Variants in RFX7 observed in about 807,000 individuals in gnomAD.
RFX7 encodes the protein DNA-binding protein RFX7.
RFX7 carries 26 observed loss-of-function variants against 111.8 expected under a neutral mutation model. That is an observed-to-expected ratio of 0.23 (90% confidence interval 0.17 to 0.32). RFX7 has a LOEUF of 0.32. Among genes scored for constraint, RFX7 ranks in the 10% least tolerant of loss-of-function variants. The pLI, the probability that RFX7 is intolerant of heterozygous loss-of-function variation, is 1.00. For synonymous variants in RFX7, 624 were observed against 624.4 expected (o/e 1.00, Z 0.01); for missense variants, 1,573 against 1,772.9 (o/e 0.89, Z 2.02).
intron 5 of RFX7, among the ~76,000 whole-genome samples, chr15:56,131,976 T>A (rs1294595196): frequency 6.6e-6 from 1 of 152,126 alleles, no homozygotes; most frequent in African/African-American, 2.4e-5. Context: ...TTTTCATATT[T>A]ATTCATTTTT....
In RFX7 at chr15:56,091,231, T is replaced by C. The variant is rs2041592349; in HGVS notation, c.*2114A>G. The C allele has an allele frequency of 6.6e-6, 1 of 152,534 alleles. No individual in the cohort carries two copies. Among genetic ancestry groups the C allele is most frequent in the Non-Finnish European group, 1.5e-5 (1 of 67,984 alleles). 9.4% of individuals were successfully genotyped at this position (152,534 alleles called of 1,614,324 possible). ...CAATGCACATTGCTACATAAGACAA[T>C]TTTATCTGTCACTTTGATGACATTT... is the stretch of plus-strand genomic sequence containing the variant. On this transcript the variant is annotated 3_prime_UTR_variant, in exon 10 of 10. Transcript: ENST00000559447.
rs1200923774 is a variant in RFX7, at chr15:56,169,955, A to G, written c.195+9315T>C. ...TTCTTCCCTTCTAAAGGAATGAGTT[A>G]TCTTTACTTATTGGCAAACCAGGAG... On this transcript the variant is annotated intron_variant, in intron 3 of 9. Coordinates refer to ENST00000559447, the MANE Select transcript of RFX7 (RefSeq NM_022841.7). Among the ~76,000 whole-genome samples the G allele has an allele frequency of 2.0e-5, 3 of 152,254 alleles. No individual in the cohort carries two copies. In the East Asian group the frequency reaches 5.8e-4, roughly 29 times the overall value.
intron 2 of RFX7, among the ~76,000 whole-genome samples, chr15:56,182,797 G>C (rs1219704989): frequency 1.3e-5 from 2 of 152,100 alleles, no homozygotes; most frequent in African/African-American, 4.8e-5. Context: ...ACTGCCATAA[G>C]TGTCTTTGTA....
At chr15:56,163,558 A>G (rs1322955219) in intron 3 of RFX7, among the ~76,000 whole-genome samples, 1 of 152,210 alleles carries the variant, frequency 6.6e-6, no homozygotes, top group Admixed American at 6.5e-5. Context: ...ATAAAATTTA[A>G]AAGTAAAACA....
chr15:56,179,119 A>G (rs551826599), intron 3 of RFX7, 151 bp downstream of exon 3: 5 of 312,574 alleles, frequency 1.6e-5, no homozygotes, highest in Admixed American at 1.1e-4. Context: ...CTTATAAACA[A>G]TTCACCCGAG....
chr15:56,123,245 T>C (rs2042100691), intron 5 of RFX7, among the ~76,000 whole-genome samples: 1 of 152,128 alleles, frequency 6.6e-6, no homozygotes, highest in African/African-American at 2.4e-5. Flanking sequence ...GCTAATGGTA[T>C]TATTCAGGGC....
Position 56,243,785 on chromosome 15 carries a change from A to ACAC in RFX7, c.-344_-343insGTG, listed in dbSNP as rs2043756102. On this transcript the variant is annotated 5_prime_UTR_variant, in exon 1 of 10. Coordinates refer to ENST00000559447, the MANE Select transcript of RFX7 (RefSeq NM_022841.7). ...CAGGCACCGCTCCACGCCACTCCCC[A>ACAC]CGCCGCCGCCGCCGCCGCCGCTCGC... Among the ~76,000 whole-genome samples, 7 of 147,368 alleles carry ACAC rather than the reference A, an allele frequency of 4.8e-5. No individual in the cohort carries two copies. Among genetic ancestry groups the ACAC allele is most frequent in the African/African-American group, 1.7e-4 (7 of 40,522 alleles).
intron 2 of RFX7, among the ~76,000 whole-genome samples, chr15:56,210,559 A>G (rs1228571890): frequency 6.6e-6 from 1 of 152,154 alleles, no homozygotes; most frequent in Non-Finnish European, 1.5e-5. Flanking sequence ...TATTCTGGGC[A>G]TTAAAACACA....
At chr15:56,133,548 T>G (rs72738608) in intron 5 of RFX7, among the ~76,000 whole-genome samples, 19,779 of 152,122 alleles carry the variant, frequency 0.13, 1,674 homozygotes, top group East Asian at 0.44. Flanking sequence ...CTGATCCTGT[T>G]AAGTTTTTGT....
At chr15:56,203,272 G>C (rs1262031802) in intron 2 of RFX7, among the ~76,000 whole-genome samples, 1 of 152,174 alleles carries the variant, frequency 6.6e-6, no homozygotes, top group Non-Finnish European at 1.5e-5. Flanking sequence ...CCGTATTCTA[G>C]AAGTACACTT....
chr15:56,200,237 A>G (rs2043181312), intron 2 of RFX7, among the ~76,000 whole-genome samples: 1 of 152,200 alleles, frequency 6.6e-6, no homozygotes, highest in Non-Finnish European at 1.5e-5. Context: ...ATGAAATGAA[A>G]ACATGAGATA....
chr15:56,243,167 G>A lies in RFX7; in HGVS notation c.119C>T (p.Thr40Ile), dbSNP rs774982120. The A allele has an allele frequency of 1.5e-6, 2 of 1,358,584 alleles. No individual in the cohort carries two copies. Among genetic ancestry groups the A allele is most frequent in the Non-Finnish European group, 2.0e-6 (2 of 1,018,272 alleles). The allele number at this position is 1,358,584 out of a possible 1,614,324, so 84.2% of individuals were successfully genotyped here. The change falls in exon 2 of 10, where the codon ACA (threonine) becomes ATA (isoleucine). Residue 40 changes from threonine (T) to isoleucine (I), a missense_variant. Physicochemically the swap from Thr to Ile is moderately conservative, Grantham distance 89 (BLOSUM62 -1). Transcript: ENST00000559447. Reference sequence around the variant, plus strand: ...CTTGTGTTGCAGCGCGCTGGCCTCTGTCCCTGGCAGCCCGGGCACAAGGGC... The same window carrying A: ...CTTGTGTTGCAGCGCGCTGGCCTCTATCCCTGGCAGCCCGGGCACAAGGGC... ...LPALVPGLPG[T>I]EASALQHKIK...
In RFX7 at chr15:56,243,492, C is replaced by T. The variant is rs1005881346; in HGVS notation, c.-50G>A. 7.1e-6 allele frequency: 7 copies of T among 984,898 alleles called. No homozygotes were observed. In the African/African-American group the frequency reaches 1.2e-4, roughly 17 times the overall value. 61.0% of individuals were successfully genotyped at this position (984,898 alleles called of 1,614,324 possible). On this transcript the variant is annotated 5_prime_UTR_variant, in exon 1 of 10. The change creates a new upstream start codon in the 5' untranslated region. Transcript: ENST00000559447. The stretch of plus-strand genomic sequence containing the variant: ...TTCGCCTGCCGCCTGGGGAACATCA[C>T]CGGGGAGACCAGCGGCTCCTCACGG...
At chr15:56,177,810 G>A (rs1350576241) in intron 3 of RFX7, among the ~76,000 whole-genome samples, 3 of 151,974 alleles carry the variant, frequency 2.0e-5, no homozygotes, top group Non-Finnish European at 4.4e-5. Flanking sequence ...AATAATTACA[G>A]AATGACACAT....
intron 3 of RFX7, among the ~76,000 whole-genome samples, chr15:56,169,414 T>C (rs1487896869): frequency 3.3e-5 from 5 of 152,384 alleles, no homozygotes; most frequent in African/African-American, 1.2e-4. Context: ...CATATATTTA[T>C]GGAAATTAAG....
At chr15:56,222,893 G>A (rs2043441781) in intron 2 of RFX7, among the ~76,000 whole-genome samples, 1 of 152,002 alleles carries the variant, frequency 6.6e-6, no homozygotes, top group African/African-American at 2.4e-5. Flanking sequence ...ACTATGTTGT[G>A]GAACATTTGG....
At chr15:56,103,258 A>G (rs1024333000) in intron 6 of RFX7, among the ~76,000 whole-genome samples, 3 of 151,554 alleles carry the variant, frequency 2.0e-5, no homozygotes, top group African/African-American at 7.3e-5. Context: ...GGCAGGCCTC[A>G]AAACTTCTTA....
chr15:56,197,014 A>T (rs2043151848), intron 2 of RFX7, among the ~76,000 whole-genome samples: 1 of 152,158 alleles, frequency 6.6e-6, no homozygotes, highest in Non-Finnish European at 1.5e-5. Flanking sequence ...ATACTCCATC[A>T]GCTGTGTATA....
At chr15:56,142,642 G>T (rs1052542536) in intron 5 of RFX7, 136 bp downstream of exon 5, 4 of 740,478 alleles carry the variant, frequency 5.4e-6, no homozygotes, top group Non-Finnish European at 8.4e-6. Flanking sequence ...GAGCTGGAAT[G>T]AATCTTAAGA....
Sources: allele counts gnomAD v4.1 joint callset (sites outside exome capture counted in the v4.1 genomes callset), GRCh38; gene constraint gnomAD v4.1.1; transcripts MANE v1.5; gene names NCBI Gene and HGNC (gene_info 2026-07-23, HGNC 2026-07-21).